The following OSBPL9 variants were observed in gnomAD, a reference collection of about 807,000 sequenced individuals.
OSBPL9 encodes the protein oxysterol-binding protein-related protein 9.
OSBPL9 carries 40 observed loss-of-function variants against 106.6 expected under a neutral mutation model. The observed-to-expected ratio is 0.38, with a 90% confidence interval of 0.29 to 0.49. The LOEUF (loss-of-function observed/expected upper bound fraction) is 0.49, where lower values mean the gene tolerates loss of function less well. OSBPL9 is among the 20% of genes least tolerant of loss of function. OSBPL9 has a pLI of 0.97. For synonymous variants in OSBPL9, 269 were observed against 295.4 expected (o/e 0.91, Z 0.92); for missense variants, 609 against 887.2 (o/e 0.69, Z 3.98).
intron 4 of OSBPL9, among the ~76,000 whole-genome samples, chr1:51,714,965 C>T (rs1255529318): frequency 6.6e-6 from 1 of 152,230 alleles, no homozygotes; most frequent in Non-Finnish European, 1.5e-5. Flanking sequence ...TGACATGCAA[C>T]TAACGTCTGC....
At chr1:51,735,599 A>G (rs1338932457) in intron 4 of OSBPL9, among the ~76,000 whole-genome samples, 4 of 152,254 alleles carry the variant, frequency 2.6e-5, no homozygotes, top group South Asian at 4.1e-4. Context: ...AGACAGATAT[A>G]TATTCCCTCT....
At chr1:51,638,809 CATAAAA>C (rs1000950833) in intron 1 of OSBPL9, among the ~76,000 whole-genome samples, 11 of 151,664 alleles carry the variant, frequency 7.3e-5, no homozygotes, top group African/African-American at 7.3e-5. Flanking sequence ...GACTCTGTCT[CATAAAA>C]ATAAAAATAA....
At chr1:51,649,193 G>A (rs778504179) in intron 1 of OSBPL9, among the ~76,000 whole-genome samples, 1 of 152,054 alleles carries the variant, frequency 6.6e-6, no homozygotes, top group Non-Finnish European at 1.5e-5. Context: ...TGCAACCTCC[G>A]CCTCCCAGGT....
intron 1 of OSBPL9, among the ~76,000 whole-genome samples, chr1:51,645,530 G>A (rs1646101108): frequency 6.6e-6 from 1 of 151,836 alleles, no homozygotes; most frequent in Admixed American, 6.6e-5. Flanking sequence ...CCAGGCTATG[G>A]TGCAGTGGCA....
chr1:51,761,851 C>T lies in OSBPL9; in HGVS notation c.674-16C>T, dbSNP rs373189848. 3.9e-5 allele frequency: 61 copies of T among 1,565,130 alleles called. No individual in the cohort carries two copies. Among genetic ancestry groups the T allele is most frequent in the Admixed American group, 5.0e-5 (3 of 59,884 alleles). On this transcript the variant is annotated splice_polypyrimidine_tract_variant and intron_variant, in intron 10 of 23. Transcript: ENST00000428468. ...GGCTGTTTCTGTACCTTATTTTATA[C>T]GTTCAAATCTCCTAGAACCTGTTCA...
At chr1:51,550,979 T>G in the OSBPL9 span, among the ~76,000 whole-genome samples, 1 of 152,136 alleles carries the variant, frequency 6.6e-6, no homozygotes, top group African/African-American at 2.4e-5. Context: ...ATCAGGCACT[T>G]TACATACATT....
rs551551666 is a variant in OSBPL9, at chr1:51,680,502, GAAA to G, written c.241+10997_241+10999del. Among the ~76,000 whole-genome samples, 65 of 150,512 alleles carry G rather than the reference GAAA, an allele frequency of 4.3e-4. No individual in the cohort carries two copies. In the South Asian group the frequency reaches 0.013, roughly 31 times the overall value. On this transcript the variant is annotated intron_variant, in intron 3 of 23. Coordinates refer to ENST00000428468, the MANE Select transcript of OSBPL9 (RefSeq NM_024586.6). ...AAACCCTGTCTCTACTAAAAAAAAA[GAAA>G]AAAAAATTTAGCTGACGTGGTGGTA... is the stretch of plus-strand genomic sequence containing the variant.
rs558483919 is a variant in OSBPL9 at position 51,580,305 on chromosome 1, G to A, written c.-423+3049G>A. ...ATCTGTGTTCTCATTTATAAATAAGGATTATATTTAAACTCTTTAAAGAAA... is the reference window on the plus strand; with the variant it reads ...ATCTGTGTTCTCATTTATAAATAAGAATTATATTTAAACTCTTTAAAGAAA... On this transcript the variant is annotated intron_variant, in intron 1 of 25. Coordinates refer to the OSBPL9 transcript ENST00000371714. 6.2e-4 allele frequency among the ~76,000 whole-genome samples: 95 copies of A among 152,288 alleles called. 4 individuals are homozygous for A. In the South Asian group the frequency reaches 0.02, roughly 32 times the overall value.
the OSBPL9 span, among the ~76,000 whole-genome samples, chr1:51,529,120 C>T: frequency 3.9e-5 from 6 of 152,162 alleles, no homozygotes; most frequent in Non-Finnish European, 5.9e-5. Flanking sequence ...ATTAGAATAC[C>T]AGTTAGCTTC....
At chr1:51,758,596 A>G (rs1242863106) in intron 9 of OSBPL9, among the ~76,000 whole-genome samples, 1 of 152,166 alleles carries the variant, frequency 6.6e-6, no homozygotes, top group East Asian at 1.9e-4. Flanking sequence ...AACAGTGCAC[A>G]AAGTTTTTAA....
At chr1:51,623,662 A>G (rs992021961) in intron 1 of OSBPL9, among the ~76,000 whole-genome samples, 1 of 152,268 alleles carries the variant, frequency 6.6e-6, no homozygotes, top group Non-Finnish European at 1.5e-5. Context: ...ACTGCTAGTC[A>G]AAACACATTT....
At chr1:51,687,355 C>G (rs550891324) in intron 3 of OSBPL9, among the ~76,000 whole-genome samples, 1 of 152,236 alleles carries the variant, frequency 6.6e-6, no homozygotes, top group East Asian at 1.9e-4. Flanking sequence ...CAAAAGATAA[C>G]TATAAGGAAA....
At position 51,786,534 on chromosome 1, in the gene OSBPL9, A is replaced by G. The variant is rs767609908; in HGVS notation, c.1917A>G (p.Thr639=). The change falls in exon 22 of 24, where the codon ACA becomes ACG. Residue 639 remains threonine (T), a synonymous_variant. Coordinates refer to ENST00000428468, the MANE Select transcript of OSBPL9 (RefSeq NM_024586.6). ...MYAKYATGEN[T]VFVDTKKLPI... is the part of the protein sequence containing the mutation. ...CCTCTATTGTTTTCTAGGAAAATAC[A>G]GTCTTTGTAGATACCAAGAAGTTGC... 1 of 1,600,612 alleles carries G rather than the reference A, an allele frequency of 6.2e-7. No individual in the cohort carries two copies. The highest frequency in any genetic ancestry group is 8.6e-7 in the Non-Finnish European group (1 of 1,168,100).
intron 3 of OSBPL9, among the ~76,000 whole-genome samples, chr1:51,674,371 C>A (rs1049790383): frequency 6.6e-6 from 1 of 152,108 alleles, no homozygotes; most frequent in African/African-American, 2.4e-5. Flanking sequence ...TGGGCCCAAG[C>A]AATCCTCCTG....
intron 1 of OSBPL9, among the ~76,000 whole-genome samples, chr1:51,585,086 A>T (rs1221111604): frequency 6.6e-6 from 1 of 151,868 alleles, no homozygotes; most frequent in Non-Finnish European, 1.5e-5. Context: ...AGGTGGGAGG[A>T]TCACTTCAGC....
the OSBPL9 span, among the ~76,000 whole-genome samples, chr1:51,552,625 C>T: frequency 6.6e-6 from 1 of 152,016 alleles, no homozygotes; most frequent in Non-Finnish European, 1.5e-5. Flanking sequence ...CCCAGAATGA[C>T]TACTTCAATT....
chr1:51,615,546 A>G (rs1644032132), upstream of OSBPL9, among the ~76,000 whole-genome samples: 1 of 152,162 alleles, frequency 6.6e-6, no homozygotes, highest in Non-Finnish European at 1.5e-5. Context: ...TCTTTTCTCT[A>G]GGATGTCCCC....
chr1:51,757,302 GTTCAAAGTA>G (rs1467673137), intron 9 of OSBPL9, among the ~76,000 whole-genome samples: 1 of 152,016 alleles, frequency 6.6e-6, no homozygotes, highest in African/African-American at 2.4e-5. Context: ...ATTTTTGTCA[GTTCAAAGTA>G]TGATCCATGG....
intron 4 of OSBPL9, among the ~76,000 whole-genome samples, chr1:51,736,299 T>C (rs1206456270): frequency 2.0e-5 from 3 of 152,180 alleles, no homozygotes; most frequent in Non-Finnish European, 4.4e-5. Context: ...TGGTACTCAT[T>C]GGCAGCTAAA....
Sources: allele counts gnomAD v4.1 joint callset (sites outside exome capture counted in the v4.1 genomes callset), GRCh38; gene constraint gnomAD v4.1.1; transcripts MANE v1.5; gene names NCBI Gene and HGNC (gene_info 2026-07-23, HGNC 2026-07-21).